CACNA1D: variants seen among roughly 807,000 people sequenced by gnomAD.
CACNA1D encodes the protein calcium voltage-gated channel subunit alpha1 D, also known as voltage-dependent L-type calcium channel subunit alpha-1D.
In CACNA1D, 55 loss-of-function variants were observed where a neutral mutation model predicts 257.1. The ratio of observed to expected loss-of-function variants is 0.21; its 90% CI spans 0.17 to 0.27. CACNA1D has a LOEUF of 0.27. Ranked by LOEUF, CACNA1D falls within the 10% of genes least tolerant of loss-of-function variation. CACNA1D has a pLI of 1.00. For missense variants in CACNA1D, 1,876 were observed against 2,784.0 expected (o/e 0.67, Z 7.34); for synonymous variants, 980 against 1,014.9 (o/e 0.97, Z 0.65).
intron 3 of CACNA1D, among the ~76,000 whole-genome samples, chr3:53,645,856 CTG>C (rs1432284847): frequency 6.6e-6 from 1 of 151,962 alleles, no homozygotes; most frequent in African/African-American, 2.4e-5. Flanking sequence ...GTTGGGGAGA[CTG>C]TTTTAGAAAG....
intron 15 of CACNA1D, among the ~76,000 whole-genome samples, chr3:53,727,400 G>A (rs531276149): frequency 1.3e-5 from 2 of 152,328 alleles, no homozygotes; most frequent in Non-Finnish European, 2.9e-5. Context: ...AAGACCCTTC[G>A]TGACTGATGA....
chr3:53,591,764 T>A (rs1187768539), intron 3 of CACNA1D, among the ~76,000 whole-genome samples: 1 of 152,234 alleles, frequency 6.6e-6, no homozygotes, highest in Non-Finnish European at 1.5e-5. Flanking sequence ...AACTCAGTAT[T>A]TCCTAGGCCT....
At chr3:53,699,335 A>G (rs2094599738) in intron 8 of CACNA1D, among the ~76,000 whole-genome samples, 1 of 152,186 alleles carries the variant, frequency 6.6e-6, no homozygotes, top group Non-Finnish European at 1.5e-5. Context: ...TGCCTTTTGA[A>G]TGTCTCTCTT....
intron 3 of CACNA1D, among the ~76,000 whole-genome samples, chr3:53,503,828 A>G (rs369120246): frequency 6.6e-6 from 1 of 151,962 alleles, no homozygotes; most frequent in Non-Finnish European, 1.5e-5. Context: ...CTAAAAGCCA[A>G]CGTATATTCC....
At chr3:53,641,601 C>T (rs1312504865) in intron 3 of CACNA1D, among the ~76,000 whole-genome samples, 5 of 152,062 alleles carry the variant, frequency 3.3e-5, no homozygotes, top group African/African-American at 7.3e-5. Flanking sequence ...TGGGAGGCTG[C>T]CAAGCATAGA....
intron 7 of CACNA1D, 53 bp downstream of exon 7, chr3:53,666,588 G>T: frequency 2.0e-6 from 3 of 1,483,796 alleles, no homozygotes; most frequent in South Asian, 2.3e-5. Flanking sequence ...GGATAAGTGG[G>T]TTTTGTGAGC....
intron 5 of CACNA1D, 90 bp from the exon 6 acceptor site, chr3:53,665,570 T>C: frequency 1.0e-6 from 1 of 975,086 alleles, no homozygotes; most frequent in South Asian, 1.3e-5. Flanking sequence ...CTATGTGTTC[T>C]AAGTAAAGGA....
Position 53,666,344 on chromosome 3 carries a change from G to A in CACNA1D, c.925G>A (p.Val309Ile), listed in dbSNP as rs200101586. 317 of 1,613,652 alleles carry A rather than the reference G, an allele frequency of 2.0e-4. 2 individuals carry two copies. In the Middle Eastern group the frequency reaches 2.0e-3, roughly 10 times the overall value. ...CCTGTTTGCTCTGTTTGCAGATATC[G>A]TAGCTGAAGAGGACCCAGCTCCATG... ...KTCFFADSDI[V>I]AEEDPAPCAF... The change falls in exon 7 of 48, where the codon GTA (valine) becomes ATA (isoleucine). Residue 309 changes from valine (V) to isoleucine (I), a missense_variant. Coordinates refer to ENST00000350061, the MANE Select transcript of CACNA1D (RefSeq NM_001128840.3).
At position 53,703,668 on chromosome 3, in the gene CACNA1D, T is replaced by C. The variant is rs566333948; in HGVS notation, c.1390+858T>C. Among the ~76,000 whole-genome samples, 8 of 152,278 alleles carry C rather than the reference T, an allele frequency of 5.3e-5. No individual in the cohort carries two copies. The East Asian group carries it at 1.5e-3, about 29-fold the overall frequency. The stretch of plus-strand genomic sequence containing the variant: ...ACGTACTTCAAGTGCACATGTCCAT[T>C]GAGAGGCCTGGGGACCCGAGGCCGG... On this transcript the variant is annotated intron_variant, in intron 9 of 47. Transcript: ENST00000350061.
At chr3:53,595,835 G>C (rs1342567523) in intron 3 of CACNA1D, among the ~76,000 whole-genome samples, 1 of 152,270 alleles carries the variant, frequency 6.6e-6, no homozygotes, top group East Asian at 1.9e-4. Context: ...GTGCTCATTT[G>C]ATCATAAGGC....
At chr3:53,576,202 A>G (rs889861645) in intron 3 of CACNA1D, among the ~76,000 whole-genome samples, 2 of 152,192 alleles carry the variant, frequency 1.3e-5, no homozygotes, top group Admixed American at 6.5e-5. Context: ...TTTCCATCAC[A>G]GTGGCCCATG....
chr3:53,810,286 C>T lies in CACNA1D; in HGVS notation c.6180C>T (p.Ser2060=). 1.2e-6 allele frequency: 2 copies of T among 1,613,652 alleles called. No individual in the cohort carries two copies. The highest frequency in any genetic ancestry group is 1.7e-6 in the Non-Finnish European group (2 of 1,180,016). ...KNSDKQRSAD[S]LVEAVLISEG... is the part of the protein sequence containing the mutation. ...GCGACAAGCAGAGGAGTGCGGACAG[C>T]TTGGTGGAGGCAGTGAGTACGGTTC... Residue 2060 remains serine, a synonymous_variant, in exon 47 of 48, where the codon AGC becomes AGT. Transcript: ENST00000350061.
At chr3:53,576,463 A>T (rs1178529278) in intron 3 of CACNA1D, among the ~76,000 whole-genome samples, 1 of 152,216 alleles carries the variant, frequency 6.6e-6, no homozygotes, top group African/African-American at 2.4e-5. Context: ...TGCTTTCTGT[A>T]ATGTTTTCCC....
chr3:53,630,445 CTCTT>C (rs2093809776), intron 3 of CACNA1D, among the ~76,000 whole-genome samples: 2 of 152,316 alleles, frequency 1.3e-5, no homozygotes, highest in South Asian at 4.1e-4. Flanking sequence ...GAAGAAACAA[CTCTT>C]TCTTTTGCAC....
At chr3:53,612,235 T>C (rs1329167093) in intron 3 of CACNA1D, among the ~76,000 whole-genome samples, 1 of 152,230 alleles carries the variant, frequency 6.6e-6, no homozygotes. Context: ...CCTATTTTCC[T>C]TTTTCATGAC....
chr3:53,733,024 G>A, intron 19 of CACNA1D, 62 bp downstream of exon 19: 1 of 1,573,966 alleles, frequency 6.4e-7, no homozygotes, highest in African/African-American at 1.3e-5. Flanking sequence ...CAGGTTGCTT[G>A]AGGGTGGCTC....
At chr3:53,674,940 G>T (rs1463865496) in intron 8 of CACNA1D, among the ~76,000 whole-genome samples, 2 of 152,230 alleles carry the variant, frequency 1.3e-5, no homozygotes, top group African/African-American at 4.8e-5. Flanking sequence ...GTATCTCGGG[G>T]AAGTGATGTC....
rs191993260 is a variant in CACNA1D, at chr3:53,596,410, G to A, written c.484-54369G>A. 1.4e-4 allele frequency among the ~76,000 whole-genome samples: 21 copies of A among 152,254 alleles called. 1 individual carries two copies. Among genetic ancestry groups the A allele is most frequent in the Admixed American group, 4.6e-4 (7 of 15,294 alleles). ...AGTGGTCTTCTCTTGGGCACTTACC[G>A]ACTGTGTCATTTTGGAAAATGGCCC... On this transcript the variant is annotated intron_variant, in intron 3 of 47. Coordinates refer to ENST00000350061, the MANE Select transcript of CACNA1D (RefSeq NM_001128840.3).
intron 8 of CACNA1D, among the ~76,000 whole-genome samples, chr3:53,696,847 C>A (rs2094577499): frequency 1.3e-5 from 2 of 152,160 alleles, no homozygotes; most frequent in Admixed American, 1.3e-4. Context: ...CCTTGAGTGG[C>A]AGGCAGAAGC....
Sources: gnomAD v4.1 joint callset for allele counts (sites outside exome capture counted in the v4.1 genomes callset) on GRCh38, gnomAD v4.1.1 for gene constraint, MANE v1.5 for transcripts, NCBI Gene and HGNC (gene_info 2026-07-23, HGNC 2026-07-21) for gene names.